Variants in PPP1R12B observed in about 807,000 individuals in gnomAD.
PPP1R12B encodes myosin phosphatase target subunit 2.
In PPP1R12B, 76 loss-of-function variants were observed where a neutral mutation model predicts 126.1. The ratio of observed to expected loss-of-function variants is 0.60; its 90% CI spans 0.50 to 0.73. The LOEUF (loss-of-function observed/expected upper bound fraction) is 0.73. Ranked by LOEUF, PPP1R12B falls within the 30% of genes least tolerant of loss-of-function variation. The pLI is 0.00. For missense variants in PPP1R12B, 1,052 were observed against 1,205.1 expected (o/e 0.87, Z 1.88); for synonymous variants, 356 against 434.7 (o/e 0.82, Z 2.25).
At chr1:202,414,614 A>G (rs1667826863) in intron 1 of PPP1R12B, among the ~76,000 whole-genome samples, 1 of 152,138 alleles carries the variant, frequency 6.6e-6, no homozygotes, top group African/African-American at 2.4e-5. Context: ...TTTTATTGCA[A>G]CACATACTGA....
intron 10 of PPP1R12B, chr1:202,439,047 T>G: frequency 7.2e-7 from 1 of 1,385,234 alleles, no homozygotes; most frequent in Non-Finnish European, 1.0e-6. Flanking sequence ...GACTTCATCC[T>G]GGCCGCCAAC....
At position 202,439,814 on chromosome 1, in the gene PPP1R12B, G is replaced by A. The variant is rs573090745; in HGVS notation, c.1459-892G>A. On this transcript the variant is annotated intron_variant, in intron 10 of 23. Coordinates refer to ENST00000608999, the MANE Select transcript of PPP1R12B (RefSeq NM_002481.4). ...TCCTCCCCACTCCCCTTCTCCTGCT[G>A]GGCTAGGTCTCCACTGGGGCCAGCC... 1.7e-5 allele frequency: 7 copies of A among 410,448 alleles called. No individual in the cohort carries two copies. The East Asian group carries it at 3.5e-4, about 21-fold the overall frequency. The allele number at this position is 410,448 out of a possible 1,614,324, so 25.4% of individuals were successfully genotyped here.
At chr1:202,350,838 C>T (rs1473160349) in intron 1 of PPP1R12B, among the ~76,000 whole-genome samples, 1 of 152,012 alleles carries the variant, frequency 6.6e-6, no homozygotes, top group Non-Finnish European at 1.5e-5. Flanking sequence ...CCAGGCTGGT[C>T]TCAAACTCCT....
chr1:202,377,555 C>T (rs1465331022), intron 1 of PPP1R12B, among the ~76,000 whole-genome samples: 2 of 151,914 alleles, frequency 1.3e-5, no homozygotes, highest in African/African-American at 2.4e-5. Flanking sequence ...CCGCCCGCCT[C>T]GGCCTCCCAA....
At chr1:202,476,648 A>C (rs939860902) in intron 13 of PPP1R12B, among the ~76,000 whole-genome samples, 5 of 151,446 alleles carry the variant, frequency 3.3e-5, no homozygotes, top group Non-Finnish European at 7.4e-5. Context: ...ACGCCACTGC[A>C]CTCCAGCCTG....
At chr1:202,404,656 C>T (rs1463767776) in intron 1 of PPP1R12B, among the ~76,000 whole-genome samples, 2 of 152,026 alleles carry the variant, frequency 1.3e-5, no homozygotes, top group East Asian at 1.9e-4. Flanking sequence ...TGTGCCACCA[C>T]GCCTGGCTAA....
intron 13 of PPP1R12B, among the ~76,000 whole-genome samples, chr1:202,484,236 T>C (rs1677781708): frequency 6.6e-6 from 1 of 152,214 alleles, no homozygotes; most frequent in African/African-American, 2.4e-5. Flanking sequence ...TTTTCTGTAG[T>C]GCTGAGCTTT....
chr1:202,417,688 G>C (rs1224392588), intron 2 of PPP1R12B, among the ~76,000 whole-genome samples: 1 of 152,158 alleles, frequency 6.6e-6, no homozygotes, highest in African/African-American at 2.4e-5. Context: ...ATATTGTTAA[G>C]GTAAATTTCC....
intron 1 of PPP1R12B, among the ~76,000 whole-genome samples, chr1:202,395,362 A>G (rs908765885): frequency 6.6e-6 from 1 of 152,172 alleles, no homozygotes; most frequent in African/African-American, 2.4e-5. Flanking sequence ...ATACTGTCTT[A>G]TAAAAATAAA....
At chr1:202,356,241 G>T (rs1050693403) in intron 1 of PPP1R12B, among the ~76,000 whole-genome samples, 64 of 152,070 alleles carry the variant, frequency 4.2e-4, no homozygotes, top group Non-Finnish European at 1.3e-4. Context: ...GTGACTCAAG[G>T]CTAGTCACTT....
At chr1:202,388,004 A>G (rs1663444165) in intron 1 of PPP1R12B, among the ~76,000 whole-genome samples, 1 of 152,108 alleles carries the variant, frequency 6.6e-6, no homozygotes, top group Non-Finnish European at 1.5e-5. Flanking sequence ...CAGAAAAAAA[A>G]TTATATAAAT....
In PPP1R12B at chr1:202,495,343, G is replaced by T; in HGVS notation, c.2196G>T (p.Thr732=). The part of the protein sequence containing the change: ...RCPAQPDKPT[T]PASPSTSRPS... ...CAGCTCAGCCAGACAAACCCACCACGCCAGCATCTCCTTCTACGTCAAGAC... is the reference window on the plus strand; with the variant it reads ...CAGCTCAGCCAGACAAACCCACCACTCCAGCATCTCCTTCTACGTCAAGAC... The change falls in exon 16 of 24, where the codon ACG becomes ACT. Residue 732 remains threonine (T), a synonymous_variant. Transcript: ENST00000608999. The T allele has an allele frequency of 1.3e-6, 2 of 1,598,048 alleles. No individual in the cohort carries two copies. The highest frequency in any genetic ancestry group is 1.7e-6 in the Non-Finnish European group (2 of 1,172,420).
rs112170297 is a variant in PPP1R12B, at chr1:202,374,911, A to C, written c.291+25769A>C. On this transcript the variant is annotated intron_variant, in intron 1 of 23. Coordinates refer to ENST00000608999, the MANE Select transcript of PPP1R12B (RefSeq NM_002481.4). ...AGAAACAGTCTGCTGAATGATTTCC[A>C]TGCTTCTATTCTTCTTTCTCCAACT... is the stretch of plus-strand genomic sequence containing the variant. Among the ~76,000 whole-genome samples the C allele has an allele frequency of 4.8e-3, 726 of 151,992 alleles. 3 individuals are homozygous for C. Among genetic ancestry groups the C allele is most frequent in the African/African-American group, 0.017 (691 of 41,484 alleles).
intron 12 of PPP1R12B, chr1:202,443,011 A>C: frequency 1.3e-6 from 1 of 790,964 alleles, no homozygotes; most frequent in Non-Finnish European, 1.5e-6. Flanking sequence ...CTATTGCATT[A>C]AAGAAGTTTC....
intron 11 of PPP1R12B, among the ~76,000 whole-genome samples, chr1:202,441,946 TC>T (rs1671682725): frequency 6.6e-6 from 1 of 152,060 alleles, no homozygotes; most frequent in South Asian, 2.1e-4. Context: ...AGCCTCTGCC[TC>T]CTGGGTTCAA....
Position 202,439,168 on chromosome 1 carries a change from G to T in PPP1R12B, c.1458+1144G>T, listed in dbSNP as rs1047422076. On this transcript the variant is annotated intron_variant, in intron 10 of 23. Coordinates refer to ENST00000608999, the MANE Select transcript of PPP1R12B (RefSeq NM_002481.4). ...AGGTGAAGTGTCTGAACAACCTGGC[G>T]GCCTCGCAGCTGAAGCTCGACCACT... 5.7e-6 allele frequency: 9 copies of T among 1,576,826 alleles called. No individual in the cohort carries two copies. In the African/African-American group the frequency reaches 1.2e-4, roughly 21 times the overall value.
intron 18 of PPP1R12B, among the ~76,000 whole-genome samples, chr1:202,518,863 G>C (rs1682446539): frequency 6.6e-6 from 1 of 152,126 alleles, no homozygotes; most frequent in African/African-American, 2.4e-5. Flanking sequence ...CCTCTCTTTT[G>C]ACTGATTGGC....
intron 1 of PPP1R12B, among the ~76,000 whole-genome samples, chr1:202,409,750 ATCACCTGGG>A (rs1262005872): frequency 6.6e-6 from 1 of 152,032 alleles, no homozygotes; most frequent in Non-Finnish European, 1.5e-5. Context: ...TGCAGCCTTG[ATCACCTGGG>A]CTCAAGCGAT....
At chr1:202,385,329 CT>C (rs1202500294) in intron 1 of PPP1R12B, among the ~76,000 whole-genome samples, 1 of 152,114 alleles carries the variant, frequency 6.6e-6, no homozygotes, top group Non-Finnish European at 1.5e-5. Context: ...TGCAGCAGTT[CT>C]TTTTTCCCAG....
Sources: gnomAD v4.1 joint callset for allele counts (sites outside exome capture counted in the v4.1 genomes callset) on GRCh38, gnomAD v4.1.1 for gene constraint, MANE v1.5 for transcripts, NCBI Gene and HGNC (gene_info 2026-07-23, HGNC 2026-07-21) for gene names.